MKLN1: variants seen among roughly 807,000 people sequenced by gnomAD.
The protein encoded by MKLN1 is muskelin.
Under a neutral mutation model 99.0 loss-of-function variants are expected in MKLN1, and 18 were observed. That is an observed-to-expected ratio of 0.18 (90% CI 0.13 to 0.27). The LOEUF is 0.27. Among genes scored for constraint, MKLN1 ranks in the 10% least tolerant of loss-of-function variants. The pLI, the probability that MKLN1 is intolerant of heterozygous loss-of-function variation, is 1.00. For missense variants in MKLN1, 621 were observed against 875.9 expected (o/e 0.71, Z 3.67); for synonymous variants, 288 against 293.2 (o/e 0.98, Z 0.18).
chr7:131,437,576 A>G (rs1795710324), intron 9 of MKLN1, among the ~76,000 whole-genome samples: 1 of 152,168 alleles, frequency 6.6e-6, no homozygotes, highest in Non-Finnish European at 1.5e-5. Flanking sequence ...CTAAGGTAAG[A>G]TTTCTGTCTC....
chr7:131,437,763 T>A, intron 9 of MKLN1, 22 bp from the exon 10 acceptor site: 1 of 1,537,678 alleles, frequency 6.5e-7, no homozygotes, highest in Non-Finnish European at 8.9e-7. Context: ...TTTATTTATT[T>A]ATTTTCTCTC....
At chr7:131,450,712 A>G (rs1351792283) in intron 12 of MKLN1, among the ~76,000 whole-genome samples, 4 of 152,098 alleles carry the variant, frequency 2.6e-5, no homozygotes, top group Non-Finnish European at 4.4e-5. Context: ...CCCCTCCAAA[A>G]TCTAGCTAAC....
chr7:131,327,769 C>T (rs767515502), upstream of MKLN1: 10 of 1,423,140 alleles, frequency 7.0e-6, no homozygotes, highest in Non-Finnish European at 9.2e-6. Context: ...GCGCTGGGCT[C>T]GGGTAACGAT....
At chr7:131,437,723 G>T in intron 9 of MKLN1, 62 bp from the exon 10 acceptor site, 3 of 1,271,020 alleles carry the variant, frequency 2.4e-6, no homozygotes, top group Non-Finnish European at 2.2e-6. Context: ...TCTATTATTT[G>T]TTCTTTGATT....
intron 1 of MKLN1, among the ~76,000 whole-genome samples, chr7:131,121,232 A>T (rs555086408): frequency 6.6e-6 from 1 of 152,254 alleles, no homozygotes; most frequent in South Asian, 2.1e-4. Context: ...CAAGGGGGAA[A>T]TCCGCCTCCA....
chr7:131,236,349 G>A (rs970942182), intron 3 of MKLN1, among the ~76,000 whole-genome samples: 20 of 152,036 alleles, frequency 1.3e-4, no homozygotes, highest in Non-Finnish European at 5.9e-5. Context: ...CCTTTCTCGT[G>A]GTCACTATCC....
intron 2 of MKLN1, among the ~76,000 whole-genome samples, chr7:131,180,555 C>G (rs553962183): frequency 6.6e-6 from 1 of 151,864 alleles, no homozygotes; most frequent in African/African-American, 2.4e-5. Context: ...AAAAATTAGC[C>G]GGGTGTGGTG....
Position 131,394,629 on chromosome 7 carries a change from G to C in MKLN1, c.401-2638G>C, listed in dbSNP as rs188726686. Among the ~76,000 whole-genome samples the C allele has an allele frequency of 1.8e-3, 268 of 152,056 alleles. 3 individuals are homozygous for C. The highest frequency in any genetic ancestry group is 6.2e-3 in the African/African-American group (258 of 41,370). ...GGACCTGTACAGGTTTGGGCCTGGG[G>C]GTTTGGGACCCCTGTTTTAGATGAC... On this transcript the variant is annotated intron_variant, in intron 4 of 17. Coordinates refer to ENST00000352689, the MANE Select transcript of MKLN1 (RefSeq NM_013255.5).
intron 2 of MKLN1, among the ~76,000 whole-genome samples, chr7:131,157,675 C>G (rs925098409): frequency 2.6e-5 from 4 of 151,988 alleles, no homozygotes; most frequent in African/African-American, 9.7e-5. Context: ...TTTTTTCATG[C>G]AAAAGCTCCT....
chr7:131,166,575 G>A lies in MKLN1; in HGVS notation c.-297+23634G>A, dbSNP rs563390142. Among the ~76,000 whole-genome samples the A allele has an allele frequency of 1.4e-4, 21 of 152,260 alleles. 1 individual carries two copies. The highest frequency in any genetic ancestry group is 7.7e-4 in the East Asian group (4 of 5,180). On this transcript the variant is annotated intron_variant, in intron 2 of 7. Coordinates refer to the MKLN1 transcript ENST00000416992. Reference sequence around the variant, plus strand: ...TCTTGCTGTTCCCCAAACATTGCCCGACATGGGTCTGTCTTAGGGCCTTTC... The same window carrying A: ...TCTTGCTGTTCCCCAAACATTGCCCAACATGGGTCTGTCTTAGGGCCTTTC...
intron 3 of MKLN1, among the ~76,000 whole-genome samples, chr7:131,261,347 C>T (rs1797728809): frequency 6.6e-6 from 1 of 152,212 alleles, no homozygotes; most frequent in African/African-American, 2.4e-5. Context: ...AATGAACAGA[C>T]ACTTTTCAAA....
At chr7:131,131,121 C>G (rs1795544475) in intron 1 of MKLN1, among the ~76,000 whole-genome samples, 1 of 148,774 alleles carries the variant, frequency 6.7e-6, no homozygotes, top group Non-Finnish European at 1.5e-5. Context: ...TTTGGGAAGC[C>G]AAGGTGGGAG....
At chr7:131,379,626 G>A (rs879332760) in intron 2 of MKLN1, among the ~76,000 whole-genome samples, 9 of 152,320 alleles carry the variant, frequency 5.9e-5, no homozygotes, top group Non-Finnish European at 1.3e-4. Flanking sequence ...TGATGGGAAT[G>A]AATAAGACCT....
intron 9 of MKLN1, 62 bp downstream of exon 9, chr7:131,429,207 T>C (rs1239502216): frequency 1.7e-5 from 19 of 1,097,160 alleles, no homozygotes; most frequent in Middle Eastern, 2.0e-4. Flanking sequence ...GCACTTGTTT[T>C]TCGGCATGAT....
chr7:131,471,522 T>G (rs1323868868), intron 16 of MKLN1: 1 of 152,408 alleles, frequency 6.6e-6, no homozygotes, highest in African/African-American at 2.4e-5. Flanking sequence ...TTACATAACA[T>G]TGGGATAGAA....
chr7:131,169,627 A>C (rs1293379946), intron 2 of MKLN1, among the ~76,000 whole-genome samples: 2 of 152,218 alleles, frequency 1.3e-5, no homozygotes, highest in African/African-American at 4.8e-5. Context: ...GATCCTTTCA[A>C]CTGGTTAGTT....
chr7:131,457,350 C>A (rs1219450136), intron 12 of MKLN1, among the ~76,000 whole-genome samples: 1 of 150,592 alleles, frequency 6.6e-6, no homozygotes, highest in Non-Finnish European at 1.5e-5. Context: ...AGAGAACACA[C>A]TAGTAATATG....
Position 131,478,616 on chromosome 7 carries a change from TA to T in MKLN1, c.2032-4del. On this transcript the variant is annotated splice_region_variant and splice_polypyrimidine_tract_variant and intron_variant, in intron 16 of 17. Transcript: ENST00000352689. Reference sequence around the variant, plus strand: ...GCTTCTTTTTTTTTTTTTTTTTTTTTAAACAGTTTCAGCTCCTGGCATCAGC... The same window carrying T: ...GCTTCTTTTTTTTTTTTTTTTTTTTTAACAGTTTCAGCTCCTGGCATCAGC... 15 of 1,411,316 alleles carry T rather than the reference TA, an allele frequency of 1.1e-5. No homozygotes were observed. The highest frequency in any genetic ancestry group is 1.7e-5 in the South Asian group (1 of 57,492). The allele number at this position is 1,411,316 out of a possible 1,614,324, so 87.4% of individuals were successfully genotyped here.
intron 3 of MKLN1, among the ~76,000 whole-genome samples, chr7:131,245,589 C>G (rs1797475394): frequency 6.6e-6 from 1 of 152,106 alleles, no homozygotes; most frequent in Non-Finnish European, 1.5e-5. Context: ...CCTATACTGT[C>G]TTTTTACTGT....
Sources: gnomAD v4.1 joint callset for allele counts (sites outside exome capture counted in the v4.1 genomes callset) on GRCh38, gnomAD v4.1.1 for gene constraint, MANE v1.5 for transcripts, NCBI Gene and HGNC (gene_info 2026-07-23, HGNC 2026-07-21) for gene names.